The following EFCAB5 variants were observed in gnomAD, a reference collection of about 807,000 sequenced individuals.
EFCAB5 encodes the protein EF-hand calcium-binding domain-containing protein 5.
A neutral mutation model predicts 167.9 loss-of-function variants in EFCAB5; 131 were observed. The observed-to-expected ratio is 0.78, with a 90% CI of 0.68 to 0.90. The LOEUF (loss-of-function observed/expected upper bound fraction) is 0.90, where lower values mean the gene tolerates loss of function less well. Among genes scored for constraint, EFCAB5 ranks in the 40% least tolerant of loss-of-function variants. EFCAB5 has a pLI of 0.00. For missense variants in EFCAB5, 1,663 were observed against 1,745.2 expected, an observed-to-expected ratio of 0.95 and a Z score of 0.84; for synonymous variants, 574 against 602.8, an observed-to-expected ratio of 0.95 and a Z score of 0.70.
At chr17:30,105,665 T>C (rs1055810689) in intron 22 of EFCAB5, among the ~76,000 whole-genome samples, 1 of 152,238 alleles carries the variant, frequency 6.6e-6, no homozygotes, top group Non-Finnish European at 1.5e-5. Flanking sequence ...TTTTTATTCA[T>C]AATTCTCTCT....
At chr17:30,078,561 C>A (rs748151341) in intron 15 of EFCAB5, 57 bp downstream of exon 15, 125 of 1,463,666 alleles carry the variant, frequency 8.5e-5, no homozygotes, top group Non-Finnish European at 1.1e-4. Flanking sequence ...AGGCGATGTT[C>A]AATGTTTGCA....
At chr17:30,033,694 G>A (rs2069542056) in intron 7 of EFCAB5, among the ~76,000 whole-genome samples, 1 of 152,118 alleles carries the variant, frequency 6.6e-6, no homozygotes, top group Non-Finnish European at 1.5e-5. Flanking sequence ...AAGAGAAATG[G>A]CCGAAGAGTA....
At chr17:29,955,411 G>T (rs777877072) in intron 3 of EFCAB5, among the ~76,000 whole-genome samples, 3 of 152,152 alleles carry the variant, frequency 2.0e-5, no homozygotes, top group Admixed American at 1.3e-4. Context: ...GTTTTATAAA[G>T]GGGAGTTCCC....
chr17:29,995,131 G>A (rs1459467611), intron 5 of EFCAB5, among the ~76,000 whole-genome samples: 1 of 152,130 alleles, frequency 6.6e-6, no homozygotes. Flanking sequence ...TTCTACCTTA[G>A]CCTCCTGAGT....
chr17:30,019,791 A>G (rs920140029), intron 7 of EFCAB5, among the ~76,000 whole-genome samples: 12 of 152,176 alleles, frequency 7.9e-5, no homozygotes, highest in Non-Finnish European at 1.6e-4. Context: ...ATATTTTAGA[A>G]GAATTCCTAA....
At chr17:30,087,031 T>C in intron 18 of EFCAB5, 32 bp from the exon 19 acceptor site, 1 of 1,594,370 alleles carries the variant, frequency 6.3e-7, no homozygotes, top group Non-Finnish European at 8.6e-7. Flanking sequence ...GAGGTCTAAT[T>C]ACTCCTAATG....
chr17:29,937,448 A>G (rs2067255331), upstream of EFCAB5, among the ~76,000 whole-genome samples: 2 of 151,906 alleles, frequency 1.3e-5, no homozygotes, highest in African/African-American at 4.8e-5. Context: ...CAGCCTCCCA[A>G]AGTGCTAGGA....
At chr17:30,023,868 T>C (rs1172601284) in intron 7 of EFCAB5, among the ~76,000 whole-genome samples, 1 of 152,236 alleles carries the variant, frequency 6.6e-6, no homozygotes, top group African/African-American at 2.4e-5. Context: ...GATGCAAGGC[T>C]GGTTCAATAT....
chr17:29,941,048 A>G (rs2067291910), upstream of EFCAB5, among the ~76,000 whole-genome samples: 1 of 152,030 alleles, frequency 6.6e-6, no homozygotes, highest in South Asian at 2.1e-4. Flanking sequence ...AAAAAAAAAA[A>G]GAAAAGAAAG....
In EFCAB5 at chr17:29,952,917, T is replaced by G. The variant is rs116121993; in HGVS notation, c.190+9268T>G. ...GGTTAAAAAAACTGCTCTAGAGTTA[T>G]AAAAATTCTTATCTCTTGCTATTAT... On this transcript the variant is annotated intron_variant, in intron 3 of 22. Coordinates refer to ENST00000394835, the MANE Select transcript of EFCAB5 (RefSeq NM_198529.4). Among the ~76,000 whole-genome samples the G allele has an allele frequency of 5.4e-3, 819 of 152,280 alleles. 8 individuals carry two copies. Among genetic ancestry groups the G allele is most frequent in the African/African-American group, 0.019 (774 of 41,564 alleles).
chr17:30,078,330 C>A lies in EFCAB5; in HGVS notation c.2853C>A (p.Asp951Glu), dbSNP rs2070911373. Residue 951 changes from aspartate (D) to glutamate (E), a missense_variant, in exon 15 of 23, where the codon GAC becomes GAA. Transcript: ENST00000394835. ...LVVSELRGNE[D>E]QVLESVVEFL... The stretch of plus-strand genomic sequence containing the variant: ...TGTCTGAACTCAGGGGCAATGAAGA[C>A]CAAGTTCTGGAAAGTGTTGTGGAAT... The A allele has an allele frequency of 6.2e-7, 1 of 1,613,960 alleles. No individual in the cohort carries two copies. Among genetic ancestry groups the A allele is most frequent in the Non-Finnish European group, 8.5e-7 (1 of 1,179,884 alleles).
chr17:29,957,966 G>A (rs998039790), intron 3 of EFCAB5, among the ~76,000 whole-genome samples: 10 of 152,108 alleles, frequency 6.6e-5, no homozygotes, highest in Non-Finnish European at 1.3e-4. Flanking sequence ...GTGTAAAAGT[G>A]TTCCTATTTC....
At chr17:30,075,005 T>G (rs2070840510) in intron 14 of EFCAB5, among the ~76,000 whole-genome samples, 1 of 152,148 alleles carries the variant, frequency 6.6e-6, no homozygotes, top group African/African-American at 2.4e-5. Context: ...GTACATACCT[T>G]TCTGTCTACT....
chr17:30,007,115 G>A (rs1478577549), intron 7 of EFCAB5, among the ~76,000 whole-genome samples: 1 of 152,126 alleles, frequency 6.6e-6, no homozygotes, highest in East Asian at 1.9e-4. Flanking sequence ...AGTCTTTTTT[G>A]TTGTTGTTTT....
At chr17:29,999,885 T>C in intron 6 of EFCAB5, 21 bp from the exon 7 acceptor site, 2 of 1,546,970 alleles carry the variant, frequency 1.3e-6, no homozygotes, top group Non-Finnish European at 1.8e-6. Flanking sequence ...AACTAGCAAA[T>C]AATCTTCATT....
chr17:30,076,181 T>TGGTA (rs2070864774), intron 14 of EFCAB5, among the ~76,000 whole-genome samples: 1 of 152,252 alleles, frequency 6.6e-6, no homozygotes, highest in South Asian at 2.1e-4. Flanking sequence ...TCTACCTTTG[T>TGGTA]GGTAACCAGG....
Position 29,959,923 on chromosome 17 carries a change from T to G in EFCAB5, c.191-8868T>G, listed in dbSNP as rs556939135. ...ACTTGCCCAGGAACTACAGTCCTTA[T>G]AGCCTAGATTTCCTTTCAAGTTTAT... is the stretch of plus-strand genomic sequence containing the variant. On this transcript the variant is annotated intron_variant, in intron 3 of 22. Transcript: ENST00000394835. 2.0e-5 allele frequency among the ~76,000 whole-genome samples: 3 copies of G among 152,286 alleles called. No individual in the cohort carries two copies. In the East Asian group the frequency reaches 5.8e-4, roughly 29 times the overall value.
chr17:30,086,111 T>C (rs8080772), intron 18 of EFCAB5, among the ~76,000 whole-genome samples: 39,710 of 151,976 alleles, frequency 0.26, 6,493 homozygotes, highest in Non-Finnish European at 0.36. Flanking sequence ...TCCTCCTGCC[T>C]CAACCTCCGG....
chr17:29,934,929 C>G (rs966259153), intron 1 of EFCAB5, among the ~76,000 whole-genome samples: 1 of 152,002 alleles, frequency 6.6e-6, no homozygotes, highest in Non-Finnish European at 1.5e-5. Context: ...TGCAATATAT[C>G]TATAACTCAT....
Sources: gnomAD v4.1 joint callset for allele counts (sites outside exome capture counted in the v4.1 genomes callset) on GRCh38, gnomAD v4.1.1 for gene constraint, MANE v1.5 for transcripts, NCBI Gene and HGNC (gene_info 2026-07-23, HGNC 2026-07-21) for gene names.